Variants in CCNY observed in about 807,000 individuals in gnomAD.
CCNY encodes cyclin-Y.
In CCNY, 19 loss-of-function variants were observed where a neutral mutation model predicts 42.8. That is an observed-to-expected ratio of 0.44 (90% CI 0.31 to 0.65). The LOEUF (loss-of-function observed/expected upper bound fraction) is 0.65. CCNY is among the 30% of genes least tolerant of loss of function. The probability of loss-of-function intolerance (pLI) is 0.07; values close to 1 mark genes in which losing one functional copy is unlikely to be tolerated. For missense variants in CCNY, 370 were observed against 437.3 expected (o/e 0.85, Z 1.37); for synonymous variants, 165 against 162.7 (o/e 1.01, Z -0.11).
chr10:35,561,352 A>G (rs987835700), intron 8 of CCNY, among the ~76,000 whole-genome samples: 12 of 152,162 alleles, frequency 7.9e-5, no homozygotes, highest in Admixed American at 5.9e-4. Flanking sequence ...CTATAATCCC[A>G]TCACTCAGAA....
chr10:35,492,914 C>A (rs529166094), intron 2 of CCNY, among the ~76,000 whole-genome samples: 1 of 152,084 alleles, frequency 6.6e-6, no homozygotes, highest in African/African-American at 2.4e-5. Flanking sequence ...TTTCCTATTC[C>A]GGGTCAGAAC....
chr10:35,313,314 A>T (rs1342509832), intron 3 of CCNY, among the ~76,000 whole-genome samples: 1 of 152,160 alleles, frequency 6.6e-6, no homozygotes, highest in Non-Finnish European at 1.5e-5. Context: ...CATTGCAGCA[A>T]ATTATTTGAT....
chr10:35,430,832 T>A (rs531568523), intron 1 of CCNY, among the ~76,000 whole-genome samples: 9 of 152,236 alleles, frequency 5.9e-5, no homozygotes, highest in Admixed American at 5.2e-4. Flanking sequence ...TTAATACGGC[T>A]TGGCGTGGTG....
At chr10:35,455,747 T>C (rs10827504) in intron 1 of CCNY, among the ~76,000 whole-genome samples, 94,173 of 150,394 alleles carry the variant, frequency 0.63, 29,671 homozygotes, top group South Asian at 0.67. Context: ...ACATTATTTA[T>C]GTGGTTAACA....
chr10:35,343,608 T>C (rs1191594778), intron 1 of CCNY, among the ~76,000 whole-genome samples: 1 of 152,002 alleles, frequency 6.6e-6, no homozygotes, highest in Non-Finnish European at 1.5e-5. Flanking sequence ...CAGGCCGATC[T>C]CAAACTCCTG....
At chr10:35,417,088 G>C (rs1838040728) in intron 1 of CCNY, among the ~76,000 whole-genome samples, 1 of 152,194 alleles carries the variant, frequency 6.6e-6, no homozygotes, top group Non-Finnish European at 1.5e-5. Context: ...GCCTTACTGT[G>C]GAAATGAAAC....
At chr10:35,534,999 ATGTGTGTGTGTGTGTGTGTG>A in intron 7 of CCNY, among the ~76,000 whole-genome samples, 1 of 133,502 alleles carries the variant, frequency 7.5e-6, no homozygotes, top group East Asian at 2.3e-4. Context: ...ATCTATATAT[ATGTGTGTGTGTGTGTGTGTG>A]TGTGTGTGTG....
At chr10:35,351,405 T>C (rs185875825) in intron 1 of CCNY, among the ~76,000 whole-genome samples, 4 of 152,344 alleles carry the variant, frequency 2.6e-5, no homozygotes, top group African/African-American at 2.4e-5. Flanking sequence ...TTAAGTACTG[T>C]TTTTAGAGTG....
chr10:35,250,285 A>C (rs1331664581), intron 2 of CCNY, among the ~76,000 whole-genome samples: 1 of 151,946 alleles, frequency 6.6e-6, no homozygotes, highest in Non-Finnish European at 1.5e-5. Context: ...GAATCACTTG[A>C]ACCTGGAGGT....
At chr10:35,252,454 T>G (rs1673849400) in intron 3 of CCNY, among the ~76,000 whole-genome samples, 1 of 150,774 alleles carries the variant, frequency 6.6e-6, no homozygotes, top group Admixed American at 6.7e-5. Context: ...TAGTCCCAGC[T>G]ACTCGGGAGG....
chr10:35,277,464 T>G (rs915918195), intron 3 of CCNY, among the ~76,000 whole-genome samples: 1 of 152,162 alleles, frequency 6.6e-6, no homozygotes, highest in African/African-American at 2.4e-5. Context: ...TCCGAGCCTC[T>G]GCTATTGTGA....
At chr10:35,335,153 T>C (rs1835997492), upstream of CCNY, among the ~76,000 whole-genome samples, 1 of 148,856 alleles carries the variant, frequency 6.7e-6, no homozygotes, top group African/African-American at 2.5e-5. Flanking sequence ...CACCTTATAT[T>C]CTTCCCAATA....
chr10:35,291,968 A>T (rs1835419078), intron 3 of CCNY, among the ~76,000 whole-genome samples: 2 of 152,154 alleles, frequency 1.3e-5, no homozygotes, highest in South Asian at 4.1e-4. Context: ...TTCCAAAGAG[A>T]TTGCAACATG....
chr10:35,303,808 GGAAGGAAGGAAGGAAA>G (rs1388802434), intron 3 of CCNY, among the ~76,000 whole-genome samples: 14 of 143,284 alleles, frequency 9.8e-5, no homozygotes, highest in South Asian at 2.2e-4. Flanking sequence ...AAAGAGGGAA[GGAAGGAAGGAAGGAAA>G]GAAGGAAGGA....
At chr10:35,437,847 C>T (rs952740511) in intron 1 of CCNY, among the ~76,000 whole-genome samples, 2 of 152,086 alleles carry the variant, frequency 1.3e-5, no homozygotes, top group African/African-American at 4.8e-5. Flanking sequence ...CCTTCCAAGT[C>T]TTGCTTTTGG....
intron 1 of CCNY, among the ~76,000 whole-genome samples, chr10:35,390,268 A>G (rs1199497322): frequency 1.3e-5 from 2 of 152,204 alleles, no homozygotes; most frequent in African/African-American, 4.8e-5. Flanking sequence ...CTAGGATGGC[A>G]AAACACCCCA....
intron 4 of CCNY, among the ~76,000 whole-genome samples, chr10:35,522,776 C>A (rs926235785): frequency 6.6e-6 from 1 of 152,186 alleles, no homozygotes; most frequent in African/African-American, 2.4e-5. Flanking sequence ...AAATGTTAGC[C>A]CCAAAAGACT....
chr10:35,404,745 A>G, intron 1 of CCNY, among the ~76,000 whole-genome samples: 1 of 152,140 alleles, frequency 6.6e-6, no homozygotes, highest in Admixed American at 6.6e-5. Flanking sequence ...GGGGTTTGGG[A>G]GATTAGTTGG....
chr10:35,483,579 G>A (rs1284508102), intron 2 of CCNY, 101 bp downstream of exon 2: 11 of 735,756 alleles, frequency 1.5e-5, no homozygotes, highest in Non-Finnish European at 2.6e-5. Context: ...ATGAAATAGA[G>A]TCCCTTTAGT....
Sources: gnomAD v4.1 joint callset for allele counts (sites outside exome capture counted in the v4.1 genomes callset) on GRCh38, gnomAD v4.1.1 for gene constraint, MANE v1.5 for transcripts, NCBI Gene and HGNC (gene_info 2026-07-23, HGNC 2026-07-21) for gene names.